The following CNTN6 variants were observed in gnomAD, a reference collection of about 807,000 sequenced individuals.
CNTN6 encodes contactin 6.
Under a neutral mutation model 122.8 loss-of-function variants are expected in CNTN6, and 137 were observed. That is an observed-to-expected ratio of 1.12 (90% CI 0.97 to 1.29). CNTN6 has a LOEUF of 1.29. CNTN6 is among the 50% of genes most tolerant of loss of function. CNTN6 has a pLI of 0.00. For missense variants in CNTN6, 1,634 were observed against 1,223.4 expected (o/e 1.34, Z -5.01); for synonymous variants, 570 against 426.0 (o/e 1.34, Z -4.16).
intron 2 of CNTN6, among the ~76,000 whole-genome samples, chr3:1,195,085 C>T (rs1474834193): frequency 6.6e-6 from 1 of 152,142 alleles, no homozygotes; most frequent in African/African-American, 2.4e-5. Flanking sequence ...TCAGCTTGTC[C>T]TAATTATTCC....
chr3:1,385,693 C>CG lies in CNTN6; in HGVS notation c.2604dup (p.Leu869AlafsTer4), dbSNP rs754346370. On this transcript the variant is annotated frameshift_variant, in exon 20 of 23. Coordinates refer to ENST00000446702, the MANE Select transcript of CNTN6 (RefSeq NM_001289080.2). LOFTEE classifies it high-confidence loss of function. ...GGAAATGTCACAACCAAAAACATCA[C>CG]GGGGCTGAAAGCTAATACCATCTAC... The CG allele has an allele frequency of 6.2e-7, 1 of 1,614,016 alleles. No homozygotes were observed. Among genetic ancestry groups the CG allele is most frequent in the Non-Finnish European group, 8.5e-7 (1 of 1,179,898 alleles).
Position 1,271,690 on chromosome 3 carries a change from CT to C in CNTN6, c.359-6721del, listed in dbSNP as rs556278467. Among the ~76,000 whole-genome samples, 38 of 152,284 alleles carry C rather than the reference CT, an allele frequency of 2.5e-4. No homozygotes were observed. The East Asian group carries it at 6.6e-3, about 26-fold the overall frequency. On this transcript the variant is annotated intron_variant, in intron 4 of 22. Coordinates refer to ENST00000446702, the MANE Select transcript of CNTN6 (RefSeq NM_001289080.2). Reference sequence around the variant, plus strand: ...ATTCAGGACATCAGAAACAGAGCCACTTCTAGAAACTACAAATTCTTGGGGG... The same window carrying C: ...ATTCAGGACATCAGAAACAGAGCCACTCTAGAAACTACAAATTCTTGGGGG...
At position 1,227,900 on chromosome 3, in the gene CNTN6, C is replaced by T; in HGVS notation, c.265C>T (p.Pro89Ser). The T allele has an allele frequency of 1.9e-6, 3 of 1,613,954 alleles. No individual in the cohort carries two copies. Among genetic ancestry groups the T allele is most frequent in the South Asian group, 1.1e-5 (1 of 91,076 alleles). ...TGGAGGCAGTCTTGCAATCAATAGCCCCCACACAGATCAAGATATTGGCAT... is the reference window on the plus strand; with the variant it reads ...TGGAGGCAGTCTTGCAATCAATAGCTCCCACACAGATCAAGATATTGGCAT... ...LDGGSLAINSPHTDQDIGMYQ... is the reference protein window; with the variant it reads ...LDGGSLAINSSHTDQDIGMYQ... Residue 89 changes from proline (P) to serine (S), a missense_variant, in exon 4 of 23, where the codon CCC becomes TCC. Physicochemically the swap from Pro to Ser is moderately conservative, Grantham distance 74 (BLOSUM62 -1). Coordinates refer to ENST00000446702, the MANE Select transcript of CNTN6 (RefSeq NM_001289080.2).
intron 5 of CNTN6, among the ~76,000 whole-genome samples, chr3:1,293,009 C>G (rs2125853523): frequency 6.6e-6 from 1 of 152,112 alleles, no homozygotes; most frequent in South Asian, 2.1e-4. Flanking sequence ...TTTAATGACA[C>G]TTTTTGCATT....
chr3:1,202,521 A>G (rs1430812917), intron 2 of CNTN6, among the ~76,000 whole-genome samples: 1 of 150,032 alleles, frequency 6.7e-6, no homozygotes, highest in South Asian at 2.1e-4. Context: ...AGCCTGGGCG[A>G]CAGAGCCAGA....
At chr3:1,295,221 C>G (rs1165213591) in intron 5 of CNTN6, among the ~76,000 whole-genome samples, 2 of 152,172 alleles carry the variant, frequency 1.3e-5, no homozygotes, top group East Asian at 3.8e-4. Context: ...TCTGATAATG[C>G]ACTGAGAAAC....
intron 20 of CNTN6, among the ~76,000 whole-genome samples, chr3:1,396,782 G>A (rs968858621): frequency 3.9e-5 from 6 of 152,164 alleles, no homozygotes; most frequent in African/African-American, 1.2e-4. Context: ...AAGCATGCAT[G>A]AAAAACAGCT....
In CNTN6 at chr3:1,227,998, G is replaced by A. The variant is rs1333019770; in HGVS notation, c.358+5G>A. On this transcript the variant is annotated splice_donor_5th_base_variant and intron_variant, in intron 4 of 22. Coordinates refer to ENST00000446702, the MANE Select transcript of CNTN6 (RefSeq NM_001289080.2). ...AGGCAAAGCTCCAATTTGCATGTGA[G>A]TTTGGGGTAAATTTTGTAATCTTTG... The A allele has an allele frequency of 6.2e-7, 1 of 1,610,492 alleles. No individual in the cohort carries two copies. Among genetic ancestry groups the A allele is most frequent in the Admixed American group, 1.7e-5 (1 of 59,290 alleles).
At chr3:1,368,051 C>A (rs1220484087) in intron 12 of CNTN6, among the ~76,000 whole-genome samples, 1 of 152,108 alleles carries the variant, frequency 6.6e-6, no homozygotes, top group Non-Finnish European at 1.5e-5. Flanking sequence ...ATGGACATTG[C>A]AATAAAATCC....
chr3:1,381,563 C>T (rs964558312), intron 17 of CNTN6, among the ~76,000 whole-genome samples: 3 of 152,142 alleles, frequency 2.0e-5, no homozygotes, highest in African/African-American at 7.2e-5. Flanking sequence ...CACTCGGGCA[C>T]AGGAGCTCTA....
intron 12 of CNTN6, among the ~76,000 whole-genome samples, chr3:1,356,723 G>T (rs995331234): frequency 6.6e-6 from 1 of 151,776 alleles, no homozygotes; most frequent in Non-Finnish European, 1.5e-5. Flanking sequence ...AGTTCCACAC[G>T]CCACTTTCCT....
intron 7 of CNTN6, among the ~76,000 whole-genome samples, chr3:1,301,198 A>G (rs1421785680): frequency 6.6e-6 from 1 of 151,808 alleles, no homozygotes; most frequent in East Asian, 1.9e-4. Context: ...CACCACACCC[A>G]GCTAATTTTT....
At chr3:1,197,608 G>C (rs908893543) in intron 2 of CNTN6, among the ~76,000 whole-genome samples, 5 of 152,050 alleles carry the variant, frequency 3.3e-5, no homozygotes, top group African/African-American at 1.2e-4. Flanking sequence ...CCACATACAG[G>C]GTGATAAAAT....
intron 1 of CNTN6, among the ~76,000 whole-genome samples, chr3:1,100,811 C>T (rs1385638062): frequency 6.6e-6 from 1 of 152,012 alleles, no homozygotes; most frequent in Non-Finnish European, 1.5e-5. Flanking sequence ...AATAGTTTCT[C>T]TCCCATTCTT....
intron 1 of CNTN6, among the ~76,000 whole-genome samples, chr3:1,142,363 C>A (rs1044625039): frequency 6.6e-6 from 1 of 152,090 alleles, no homozygotes; most frequent in Non-Finnish European, 1.5e-5. Context: ...AGAAGCAAGT[C>A]AGTGATACAT....
At chr3:1,307,222 G>A (rs1698503031) in intron 7 of CNTN6, among the ~76,000 whole-genome samples, 3 of 152,104 alleles carry the variant, frequency 2.0e-5, no homozygotes, top group Admixed American at 6.6e-5. Context: ...TCCTCACTTT[G>A]GGAGCTTTAC....
chr3:1,223,201 T>C (rs546525743), intron 3 of CNTN6, among the ~76,000 whole-genome samples: 194 of 152,178 alleles, frequency 1.3e-3, no homozygotes, highest in Non-Finnish European at 2.2e-3. Flanking sequence ...CTGGGTATAG[T>C]GTAAAGCAAC....
chr3:1,272,393 C>T (rs2095041457), intron 4 of CNTN6, among the ~76,000 whole-genome samples: 1 of 152,150 alleles, frequency 6.6e-6, no homozygotes, highest in African/African-American at 2.4e-5. Flanking sequence ...GTGAGGATTA[C>T]AGGTGGTTCT....
Position 1,258,226 on chromosome 3 carries a change from T to C in CNTN6, c.359-20187T>C, listed in dbSNP as rs112384495. ...ATTATTCCAGTTCTTTTATTTGTAGTGTGGGTGAAGTTCCTTTTATCTCCT... is the reference window on the plus strand; with the variant it reads ...ATTATTCCAGTTCTTTTATTTGTAGCGTGGGTGAAGTTCCTTTTATCTCCT... On this transcript the variant is annotated intron_variant, in intron 4 of 22. Transcript: ENST00000446702. Among the ~76,000 whole-genome samples, 1,462 of 152,244 alleles carry C rather than the reference T, an allele frequency of 9.6e-3. 19 individuals are homozygous for C. Among genetic ancestry groups the C allele is most frequent in the African/African-American group, 0.031 (1,303 of 41,548 alleles).
Sources: gnomAD v4.1 joint callset for allele counts (sites outside exome capture counted in the v4.1 genomes callset) on GRCh38, gnomAD v4.1.1 for gene constraint, MANE v1.5 for transcripts, NCBI Gene and HGNC (gene_info 2026-07-23, HGNC 2026-07-21) for gene names.